The following BRSK1 variants were observed in gnomAD, a reference collection of about 807,000 sequenced individuals.
The protein encoded by BRSK1 is serine/threonine-protein kinase BRSK1.
A neutral mutation model predicts 86.2 loss-of-function variants in BRSK1; 17 were observed. The ratio of observed to expected loss-of-function variants is 0.20; its 90% CI spans 0.14 to 0.30. The LOEUF (loss-of-function observed/expected upper bound fraction) is 0.30, where lower values mean the gene tolerates loss of function less well. Ranked by LOEUF, BRSK1 falls within the 10% of genes least tolerant of loss-of-function variation. The pLI, the probability that BRSK1 is intolerant of heterozygous loss-of-function variation, is 1.00. For synonymous variants in BRSK1, 464 were observed against 440.1 expected (o/e 1.05, Z -0.68); for missense variants, 719 against 1,071.9 (o/e 0.67, Z 4.60).
Position 55,284,084 on chromosome 19 carries a change from G to T in BRSK1, c.-359G>T, listed in dbSNP as rs1047462457. The T allele has an allele frequency of 1.5e-5, 15 of 985,590 alleles. No individual in the cohort carries two copies. Among genetic ancestry groups the T allele is most frequent in the South Asian group, 5.0e-5 (1 of 20,058 alleles). 61.1% of individuals were successfully genotyped at this position (985,590 alleles called of 1,614,324 possible). Reference sequence around the variant, plus strand: ...AGGAGGCGGAGGAGAGAGGGCGCGTGGGGGGGCGGGGGGGACCTCGGCCTG... The same window carrying T: ...AGGAGGCGGAGGAGAGAGGGCGCGTTGGGGGGCGGGGGGGACCTCGGCCTG... On this transcript the variant is annotated 5_prime_UTR_variant, in exon 1 of 19. Transcript: ENST00000309383.
chr19:55,284,958 A>G (rs1285135876), intron 1 of BRSK1, among the ~76,000 whole-genome samples: 1 of 52,822 alleles, frequency 1.9e-5, no homozygotes, highest in African/African-American at 7.8e-5. Flanking sequence ...GAGGGAGGAG[A>G]GGCTGGTGGC....
At position 55,287,090 on chromosome 19, in the gene BRSK1, G is replaced by A. The variant is rs2088328609; in HGVS notation, c.220G>A (p.Val74Met). ...GAACCGGGAGAAGCTGTCGGAGTCGGTGCTGATGAAGGTGTGTGCGCCTGC... is the reference window on the plus strand; with the variant it reads ...GAACCGGGAGAAGCTGTCGGAGTCGATGCTGATGAAGGTGTGTGCGCCTGC... ...IVNREKLSES[V>M]LMKVEREIAI... The change falls in exon 2 of 19, where the codon GTG becomes ATG. Residue 74 changes from valine to methionine, a missense_variant. This residue lies in a region of BRSK1 where 71 missense variants were observed against 92.6 expected (regional missense o/e 0.77). Coordinates refer to ENST00000309383, the MANE Select transcript of BRSK1 (RefSeq NM_032430.2). The surrounding 1 kb of genome is among the most constrained non-coding windows in gnomAD (Gnocchi z 5.3). 2 of 1,613,330 alleles carry A rather than the reference G, an allele frequency of 1.2e-6. No individual in the cohort carries two copies. The highest frequency in any genetic ancestry group is 1.7e-6 in the Non-Finnish European group (2 of 1,179,774).
intron 1 of BRSK1, among the ~76,000 whole-genome samples, chr19:55,285,593 C>T (rs1600167195): frequency 1.3e-5 from 2 of 152,162 alleles, no homozygotes; most frequent in Admixed American, 6.5e-5. Flanking sequence ...CATGCTGGCT[C>T]AGAGTGGGAA....
At position 55,306,479 on chromosome 19, in the gene BRSK1, C is replaced by A. The variant is rs1346127627; in HGVS notation, c.2089+29C>A. 6.2e-7 allele frequency: 1 copy of A among 1,607,928 alleles called. No homozygotes were observed. Among genetic ancestry groups the A allele is most frequent in the Non-Finnish European group, 8.5e-7 (1 of 1,179,230 alleles). On this transcript the variant is annotated intron_variant, in intron 17 of 18. Coordinates refer to ENST00000309383, the MANE Select transcript of BRSK1 (RefSeq NM_032430.2). The surrounding 1 kb of genome is among the most constrained non-coding windows in gnomAD (Gnocchi z 4.7). ...AGTCTCTTGGCTAGGCTGCCTGCAG[C>A]CCAGTGCTGGGACTGTTCACGACAG...
chr19:55,295,577 G>T (rs1260169204), intron 7 of BRSK1, among the ~76,000 whole-genome samples: 1 of 152,218 alleles, frequency 6.6e-6, no homozygotes, highest in Non-Finnish European at 1.5e-5. Flanking sequence ...TCTCCAGGAA[G>T]AACCCCAGAA....
At position 55,287,148 on chromosome 19, in the gene BRSK1, G is replaced by A. The variant is rs1419126058; in HGVS notation, c.231+47G>A. On this transcript the variant is annotated intron_variant, in intron 2 of 18. Transcript: ENST00000309383. This position sits in a 1 kb window ranked among gnomAD's most constrained non-coding sequence, Gnocchi z 5.3. ...TGCCTGCGGGTGGGGGGGCCTCCGG[G>A]GCTGAGGGCAGGGGCGGGGCCGTGC... 1 of 1,612,372 alleles carries A rather than the reference G, an allele frequency of 6.2e-7. No homozygotes were observed. The highest frequency in any genetic ancestry group is 8.5e-7 in the Non-Finnish European group (1 of 1,178,676).
At chr19:55,301,360 C>T in intron 7 of BRSK1, 152 bp from the exon 8 acceptor site, 2 of 884,118 alleles carry the variant, frequency 2.3e-6, no homozygotes, top group Non-Finnish European at 3.3e-6. Context: ...TGCTGTGCCA[C>T]GGACGAGCTA....
rs1404517800 is a variant in BRSK1, at chr19:55,289,526, C to T, written c.364C>T (p.Leu122=). The change falls in exon 4 of 19, where the codon CTG becomes TTG. Residue 122 remains leucine (L), a synonymous_variant. Coordinates refer to ENST00000309383, the MANE Select transcript of BRSK1 (RefSeq NM_032430.2). The stretch of plus-strand genomic sequence containing the variant: ...CTCGGGGGGTGAGCTATTCGACTAC[C>T]TGGTAAAGAAGGGGAGACTGACGCC... ...HVSGGELFDY[L]VKKGRLTPKE... 1 of 1,613,998 alleles carries T rather than the reference C, an allele frequency of 6.2e-7. No homozygotes were observed. The highest frequency in any genetic ancestry group is 1.1e-5 in the South Asian group (1 of 91,056).
chr19:55,293,608 C>T (rs934261217), intron 4 of BRSK1, among the ~76,000 whole-genome samples: 3 of 152,070 alleles, frequency 2.0e-5, no homozygotes, highest in Admixed American at 2.0e-4. Context: ...GTCAGGAGCT[C>T]AAGACCAGCC....
In BRSK1 at chr19:55,305,524, C is replaced by T. The variant is rs150046320; in HGVS notation, c.1828C>T (p.Leu610Phe). Residue 610 changes from leucine (L) to phenylalanine (F), a missense_variant, in exon 16 of 19, where the codon CTC (leucine) becomes TTC (phenylalanine). By Grantham distance (22) the Leu-to-Phe change is conservative (BLOSUM62 0). This residue lies in a region of BRSK1 where 180 missense variants were observed against 259.4 expected (regional missense o/e 0.69). Coordinates refer to ENST00000309383, the MANE Select transcript of BRSK1 (RefSeq NM_032430.2). ...ISLDKEEQIF[L>F]VLKDKPLSSI... Reference sequence around the variant, plus strand: ...CTTGGACAAAGAAGAACAAATATTCCTCGTGCTAAAGGACAAACCTCTCAG... The same window carrying T: ...CTTGGACAAAGAAGAACAAATATTCTTCGTGCTAAAGGACAAACCTCTCAG... 90 of 1,614,084 alleles carry T rather than the reference C, an allele frequency of 5.6e-5. No individual in the cohort carries two copies. The highest frequency in any genetic ancestry group is 7.5e-5 in the Non-Finnish European group (88 of 1,180,042).
chr19:55,284,752 G>A (rs1372975905), intron 1 of BRSK1, among the ~76,000 whole-genome samples, 174 bp downstream of exon 1: 1 of 150,816 alleles, frequency 6.6e-6, no homozygotes, highest in African/African-American at 2.4e-5. Context: ...GGTGGGGGGC[G>A]CAGACTCAGG....
Position 55,284,533 on chromosome 19 carries a change from G to A in BRSK1, c.91G>A (p.Val31Met). 2 of 880,690 alleles carry A rather than the reference G, an allele frequency of 2.3e-6. No individual in the cohort carries two copies. Among genetic ancestry groups the A allele is most frequent in the South Asian group, 2.5e-5 (1 of 40,180 alleles). 54.6% of individuals were successfully genotyped at this position (880,690 alleles called of 1,614,324 possible). A position where few individuals can be genotyped will look rare whatever the true frequency, so the allele number is the denominator to read the frequency against. ...CCACCCACCCCAGCACGCCCAATAT[G>A]TGGGCCCCTATCGGCTGGAGAAGAC... Reference protein sequence around the residue: ...HPHPPQHAQYVGPYRLEKTLG... With the variant: ...HPHPPQHAQYMGPYRLEKTLG... Residue 31 changes from valine to methionine, a missense_variant, in exon 1 of 19, where the codon GTG (valine) becomes ATG (methionine). By Grantham distance (21) the Val-to-Met change is conservative (BLOSUM62 1). Transcript: ENST00000309383.
Position 55,312,508 on chromosome 19 carries a change from T to C in BRSK1, c.*440T>C, listed in dbSNP as rs2088828581. On this transcript the variant is annotated 3_prime_UTR_variant, in exon 19 of 19. Transcript: ENST00000309383. Reference sequence around the variant, plus strand: ...CTGGTTTCGCGTGATCCTGCCTGCGTCCGTGTCTCTGATTCCGCCGGCGGC... The same window carrying C: ...CTGGTTTCGCGTGATCCTGCCTGCGCCCGTGTCTCTGATTCCGCCGGCGGC... The C allele has an allele frequency of 7.2e-6, 1 of 139,236 alleles. No individual in the cohort carries two copies. Among genetic ancestry groups the C allele is most frequent in the South Asian group, 3.0e-4 (1 of 3,316 alleles). The allele number at this position is 139,236 out of a possible 1,614,324, so 8.6% of individuals were successfully genotyped here.
At position 55,304,657 on chromosome 19, in the gene BRSK1, G is replaced by A. The variant is rs970774477; in HGVS notation, c.1454G>A (p.Gly485Asp). The A allele has an allele frequency of 2.0e-6, 3 of 1,505,838 alleles. No individual in the cohort carries two copies. The highest frequency in any genetic ancestry group is 2.3e-4 in the Middle Eastern group (1 of 4,312). The allele number at this position is 1,505,838 out of a possible 1,614,324, so 93.3% of individuals were successfully genotyped here. A position where few individuals can be genotyped will look rare whatever the true frequency, so the allele number is the denominator to read the frequency against. The change falls in exon 14 of 19, where the codon GGT becomes GAT. Residue 485 changes from glycine (G) to aspartate (D), a missense_variant. Transcript: ENST00000309383. The surrounding 1 kb of genome is among the most constrained non-coding windows in gnomAD (Gnocchi z 5.2). ...ACGCTGCCTTCTCGGGGCCCCAGGGGTGGGGGCGCCGGGGAGCAGCCCCCG... is the reference window on the plus strand; with the variant it reads ...ACGCTGCCTTCTCGGGGCCCCAGGGATGGGGGCGCCGGGGAGCAGCCCCCG... ...TQTLPSRGPR[G>D]GGAGEQPPPP...
chr19:55,284,013 G>C lies in BRSK1; in HGVS notation c.-430G>C. On this transcript the variant is annotated 5_prime_UTR_variant, in exon 1 of 19. Coordinates refer to ENST00000309383, the MANE Select transcript of BRSK1 (RefSeq NM_032430.2). The stretch of plus-strand genomic sequence containing the variant: ...GGAGTCCCCGGATGGTGATGTCAGC[G>C]TGCCGGAGAGAAAGGACGAGGTGGC... 1 of 1,240,746 alleles carries C rather than the reference G, an allele frequency of 8.1e-7. No individual in the cohort carries two copies. Among genetic ancestry groups the C allele is most frequent in the Non-Finnish European group, 1.0e-6 (1 of 993,728 alleles). The allele number at this position is 1,240,746 out of a possible 1,614,324, so 76.9% of individuals were successfully genotyped here. A position where few individuals can be genotyped will look rare whatever the true frequency, so the allele number is the denominator to read the frequency against.
chr19:55,298,673 CCT>C (rs1179049966), intron 7 of BRSK1, among the ~76,000 whole-genome samples: 1 of 152,222 alleles, frequency 6.6e-6, no homozygotes, highest in Non-Finnish European at 1.5e-5. Context: ...ACAAAGTGAC[CCT>C]GTTTCAGCTC....
chr19:55,303,460 G>A lies in BRSK1; in HGVS notation c.1126+52G>A, dbSNP rs1347905016. On this transcript the variant is annotated intron_variant, in intron 11 of 18. Coordinates refer to ENST00000309383, the MANE Select transcript of BRSK1 (RefSeq NM_032430.2). This position sits in a 1 kb window ranked among gnomAD's most constrained non-coding sequence, Gnocchi z 5.1. ...ACACCTGGGTCTCGAGATTGGAAGA[G>A]GCTGGCCACGGGGACCCCAGATTCC... The A allele has an allele frequency of 6.3e-7, 1 of 1,575,528 alleles. No individual in the cohort carries two copies. Among genetic ancestry groups the A allele is most frequent in the Admixed American group, 1.7e-5 (1 of 59,842 alleles).
rs2088705636 is a variant in BRSK1 at position 55,308,664 on chromosome 19, G to A, written c.2115G>A (p.Val705=). ...GTCCCAGCCGTCGGTTCAAGCGAGTGGTGGAGACCATCCAGGCACAGCTCC... is the reference window on the plus strand; with the variant it reads ...GTCCCAGCCGTCGGTTCAAGCGAGTAGTGGAGACCATCCAGGCACAGCTCC... ...ISGPSRRFKR[V]VETIQAQLLS... Residue 705 remains valine, a synonymous_variant, in exon 18 of 19, where the codon GTG becomes GTA. Transcript: ENST00000309383. 6.2e-7 allele frequency: 1 copy of A among 1,609,744 alleles called. No individual in the cohort carries two copies. Among genetic ancestry groups the A allele is most frequent in the Non-Finnish European group, 8.5e-7 (1 of 1,178,346 alleles).
intron 15 of BRSK1, 34 bp downstream of exon 15, chr19:55,305,403 C>T: frequency 6.2e-7 from 1 of 1,614,114 alleles, no homozygotes; most frequent in Non-Finnish European, 8.5e-7. Flanking sequence ...AGTGGGGATG[C>T]AGGGGATTCA....
Sources: gnomAD v4.1 joint callset for allele counts (sites outside exome capture counted in the v4.1 genomes callset) on GRCh38, gnomAD v4.1.1 for gene constraint, gnomAD v4.1.1 regional missense constraint, Gnocchi (gnomAD v3.1) non-coding constraint, MANE v1.5 for transcripts, NCBI Gene and HGNC (gene_info 2026-07-23, HGNC 2026-07-21) for gene names.